HYLS1: variants seen among roughly 807,000 people sequenced by gnomAD.
HYLS1 encodes the protein HYLS1 centriolar and ciliogenesis associated.
HYLS1 carries 25 observed loss-of-function variants against 29.4 expected under a neutral mutation model. The observed-to-expected ratio is 0.85, with a 90% CI of 0.62 to 1.19. The LOEUF is 1.19. Ranked by LOEUF, HYLS1 falls within the 50% of genes most tolerant of loss-of-function variation. The pLI is 0.00. For missense variants in HYLS1, 352 were observed against 365.1 expected (o/e 0.96, Z 0.29); for synonymous variants, 128 against 126.7 (o/e 1.01, Z -0.07).
intron 2 of HYLS1, among the ~76,000 whole-genome samples, chr11:125,892,632 T>C (rs1038165360): frequency 6.6e-6 from 1 of 152,216 alleles, no homozygotes; most frequent in African/African-American, 2.4e-5. Flanking sequence ...ACTTTCTTAA[T>C]CTTAAATTCA....
upstream of HYLS1, chr11:125,887,027 CAGTT>C (rs1944316745): frequency 1.3e-5 from 2 of 152,274 alleles, no homozygotes; most frequent in Admixed American, 6.6e-5. Context: ...GGCTGGAGCA[CAGTT>C]AGAGTAACGT....
Position 125,899,585 on chromosome 11 carries a change from G to A in HYLS1, c.217G>A (p.Val73Ile), listed in dbSNP as rs1467039146. The A allele has an allele frequency of 2.5e-6, 4 of 1,614,162 alleles. No individual in the cohort carries two copies. The highest frequency in any genetic ancestry group is 3.3e-5 in the Admixed American group (2 of 60,026). Residue 73 changes from valine to isoleucine, a missense_variant, in exon 3 of 3, where the codon GTA (valine) becomes ATA (isoleucine). Val to Ile is a conservative substitution (Grantham distance 29, BLOSUM62 3). Coordinates refer to ENST00000425380, the MANE Select transcript of HYLS1 (RefSeq NM_001134793.2). Reference protein sequence around the residue: ...ALPVQLQYPHVESNVPSETVS... With the variant: ...ALPVQLQYPHIESNVPSETVS... ...TCCTGTGCAACTACAGTACCCACAT[G>A]TAGAAAGTAATGTCCCTTCAGAAAC...
chr11:125,897,796 C>G (rs1489955717), intron 2 of HYLS1, among the ~76,000 whole-genome samples: 1 of 152,136 alleles, frequency 6.6e-6, no homozygotes, highest in Non-Finnish European at 1.5e-5. Context: ...ATTTTGGCAA[C>G]AGCTGTCAAA....
intron 2 of HYLS1, among the ~76,000 whole-genome samples, chr11:125,895,051 C>CTTT (rs11384524): frequency 7.0e-6 from 1 of 142,050 alleles, no homozygotes; most frequent in African/African-American, 2.6e-5. Context: ...TATGCTATTT[C>CTTT]TTTTTTTTTT....
Position 125,895,671 on chromosome 11 carries a change from C to T in HYLS1, c.-25-3673C>T, listed in dbSNP as rs200876642. On this transcript the variant is annotated intron_variant, in intron 2 of 2. Transcript: ENST00000425380. Reference sequence around the variant, plus strand: ...TATACGGATGTCTGGAGGGAGTACCCGATTGAGAATGTGGGTATAACGGAT... The same window carrying T: ...TATACGGATGTCTGGAGGGAGTACCTGATTGAGAATGTGGGTATAACGGAT... The T allele has an allele frequency of 1.2e-5, 19 of 1,614,144 alleles. No individual in the cohort carries two copies. Among genetic ancestry groups the T allele is most frequent in the East Asian group, 6.7e-5 (3 of 44,886 alleles).
chr11:125,895,959 G>T (rs1565453934), intron 2 of HYLS1: 1 of 1,614,058 alleles, frequency 6.2e-7, no homozygotes, highest in Non-Finnish European at 8.5e-7. Context: ...GTGATAGTTG[G>T]ATGTCTGTCT....
rs12285488 is a variant in HYLS1, at chr11:125,894,924, A to T, written c.-26+3452A>T. ...ACTCATGGGATAGAACAATGAGAGG[A>T]AATTAAAATACACTGCTCCCTCTTA... On this transcript the variant is annotated intron_variant, in intron 2 of 2. Transcript: ENST00000425380. Among the ~76,000 whole-genome samples the T allele has an allele frequency of 8.2e-3, 1,252 of 152,342 alleles. 19 individuals carry two copies. Among genetic ancestry groups the T allele is most frequent in the African/African-American group, 0.026 (1,085 of 41,578 alleles).
At position 125,891,483 on chromosome 11, in the gene HYLS1, G is replaced by GGA. The variant is rs1555099864; in HGVS notation, c.-26+11_-26+12insGA. The GGA allele has an allele frequency of 1.3e-4, 14 of 107,274 alleles. No individual in the cohort carries two copies. Among genetic ancestry groups the GGA allele is most frequent in the East Asian group, 2.9e-4 (1 of 3,470 alleles). The allele number at this position is 107,274 out of a possible 1,614,324, so 6.6% of individuals were successfully genotyped here. A position where few individuals can be genotyped will look rare whatever the true frequency, so the allele number is the denominator to read the frequency against. On this transcript the variant is annotated intron_variant, in intron 2 of 2. Transcript: ENST00000425380. The stretch of plus-strand genomic sequence containing the variant: ...ATACATTGAAATAAGGTAAGAAATT[G>GGA]AAAAAAAAAAAAAAAAACCTTGGTT...
Position 125,889,152 on chromosome 11 carries a change from G to T in HYLS1, c.-76+1387G>T, listed in dbSNP as rs554385353. Among the ~76,000 whole-genome samples the T allele has an allele frequency of 4.1e-4, 62 of 152,302 alleles. No individual in the cohort carries two copies. In the Middle Eastern group the frequency reaches 0.017, roughly 42 times the overall value. On this transcript the variant is annotated intron_variant, in intron 1 of 2. Coordinates refer to ENST00000425380, the MANE Select transcript of HYLS1 (RefSeq NM_001134793.2). ...AGTTAAGCAGATTATACATTATTGAGTCAGTAATAAATTGGGAACACATTT... is the reference window on the plus strand; with the variant it reads ...AGTTAAGCAGATTATACATTATTGATTCAGTAATAAATTGGGAACACATTT...
chr11:125,889,931 C>T (rs1944380884), intron 1 of HYLS1, among the ~76,000 whole-genome samples: 1 of 151,312 alleles, frequency 6.6e-6, no homozygotes, highest in Non-Finnish European at 1.5e-5. Flanking sequence ...AACATGTTTT[C>T]TGTTTATTAA....
Position 125,892,800 on chromosome 11 carries a change from A to G in HYLS1, c.-26+1328A>G, listed in dbSNP as rs76708600. ...CTCAGAGCAATATTTTTGCCACACAATTCTATCGGGCATGTAAATTTTTTC... is the reference window on the plus strand; with the variant it reads ...CTCAGAGCAATATTTTTGCCACACAGTTCTATCGGGCATGTAAATTTTTTC... On this transcript the variant is annotated intron_variant, in intron 2 of 2. Coordinates refer to ENST00000425380, the MANE Select transcript of HYLS1 (RefSeq NM_001134793.2). Among the ~76,000 whole-genome samples, 36 of 152,204 alleles carry G rather than the reference A, an allele frequency of 2.4e-4. No homozygotes were observed. The East Asian group carries it at 6.6e-3, about 28-fold the overall frequency.
At chr11:125,888,003 C>G (rs920109878) in intron 1 of HYLS1, 1 of 152,322 alleles carries the variant, frequency 6.6e-6, no homozygotes, top group Non-Finnish European at 1.5e-5. Context: ...CCCTGGAGGT[C>G]ACGGTGTGCG....
intron 1 of HYLS1, 55 bp downstream of exon 1, chr11:125,887,820 C>G (rs926710281): frequency 6.6e-6 from 1 of 152,268 alleles, no homozygotes; most frequent in African/African-American, 2.4e-5. Flanking sequence ...TGGCTGCCGG[C>G]CCACTGCGGC....
intron 1 of HYLS1, among the ~76,000 whole-genome samples, chr11:125,889,861 G>GA (rs1360010454): frequency 6.6e-6 from 1 of 152,166 alleles, no homozygotes; most frequent in Non-Finnish European, 1.5e-5. Flanking sequence ...ACCGGGTACT[G>GA]AAAAAATCTT....
chr11:125,899,333 A>G lies in HYLS1; in HGVS notation c.-25-11A>G. On this transcript the variant is annotated splice_polypyrimidine_tract_variant and intron_variant, in intron 2 of 2. Transcript: ENST00000425380. ...TATTATCAGAAAACTGACCAATGTT[A>G]TCTCTTGCAGAAGGTCCTACAGTGT... The G allele has an allele frequency of 1.3e-6, 2 of 1,590,758 alleles. No individual in the cohort carries two copies. Among genetic ancestry groups the G allele is most frequent in the East Asian group, 2.2e-5 (1 of 44,702 alleles).
chr11:125,889,239 T>A (rs1203989392), intron 1 of HYLS1, among the ~76,000 whole-genome samples: 1 of 152,232 alleles, frequency 6.6e-6, no homozygotes, highest in Non-Finnish European at 1.5e-5. Context: ...TTGCTATGGC[T>A]GTATTGTATC....
rs1944702886 is a variant in HYLS1, at chr11:125,899,692, A to G, written c.324A>G (p.Leu108=). 1.2e-6 allele frequency: 2 copies of G among 1,614,228 alleles called. No homozygotes were observed. The highest frequency in any genetic ancestry group is 1.7e-6 in the Non-Finnish European group (2 of 1,180,028). The part of the protein sequence containing the change: ...VLRRKPDGEV[L]VTDESIISES... ...GCAGAAAGCCAGATGGGGAAGTATT[A>G]GTAACAGATGAGTCGATTATCAGTG... is the stretch of plus-strand genomic sequence containing the variant. Residue 108 remains leucine, a synonymous_variant, in exon 3 of 3, where the codon TTA becomes TTG. Transcript: ENST00000425380.
intron 2 of HYLS1, chr11:125,895,238 T>C: frequency 6.3e-7 from 1 of 1,588,116 alleles, no homozygotes; most frequent in Non-Finnish European, 8.5e-7. Context: ...ATTGAGGCTT[T>C]TGGGGATTTT....
chr11:125,896,754 A>G (rs567789792), intron 2 of HYLS1, among the ~76,000 whole-genome samples: 157 of 152,204 alleles, frequency 1.0e-3, no homozygotes, highest in Admixed American at 2.9e-3. Context: ...CTGAGTTTCT[A>G]TTGCTTTCCA....
Sources: allele counts gnomAD v4.1 joint callset (sites outside exome capture counted in the v4.1 genomes callset), GRCh38; gene constraint gnomAD v4.1.1; transcripts MANE v1.5; gene names NCBI Gene and HGNC (gene_info 2026-07-23, HGNC 2026-07-21).